ADRA1B: variants seen among roughly 807,000 people sequenced by gnomAD.
ADRA1B encodes adrenoceptor alpha 1B.
A neutral mutation model predicts 17.9 loss-of-function variants in ADRA1B; 17 were observed. The ratio of observed to expected loss-of-function variants is 0.95; its 90% confidence interval spans 0.65 to 1.42. ADRA1B has a LOEUF of 1.42. Among genes scored for constraint, ADRA1B ranks in the 40% most tolerant of loss-of-function variants. ADRA1B has a pLI of 0.00. For synonymous variants in ADRA1B, 366 were observed against 327.6 expected (o/e 1.12, Z -1.27); for missense variants, 681 against 722.1 (o/e 0.94, Z 0.65).
chr5:159,922,179 T>C lies in ADRA1B; in HGVS notation c.949+4325T>C, dbSNP rs192321587. 7.2e-5 allele frequency among the ~76,000 whole-genome samples: 11 copies of C among 152,370 alleles called. No homozygotes were observed. In the East Asian group the frequency reaches 2.1e-3, roughly 29 times the overall value. On this transcript the variant is annotated intron_variant, in intron 1 of 1. Coordinates refer to ENST00000306675, the MANE Select transcript of ADRA1B (RefSeq NM_000679.4). Reference sequence around the variant, plus strand: ...CAGCCTGGTGAGATTGTATTTGTTATTGGATACATACCATGTACCAGACAT... The same window carrying C: ...CAGCCTGGTGAGATTGTATTTGTTACTGGATACATACCATGTACCAGACAT...
chr5:159,916,839 T>A lies in ADRA1B; in HGVS notation c.-67T>A, dbSNP rs1754322864. 6.8e-7 allele frequency: 1 copy of A among 1,469,110 alleles called. No homozygotes were observed. Among genetic ancestry groups the A allele is most frequent in the South Asian group, 1.3e-5 (1 of 75,688 alleles). The allele number at this position is 1,469,110 out of a possible 1,614,324, so 91.0% of individuals were successfully genotyped here. A position where few individuals can be genotyped will look rare whatever the true frequency, so the allele number is the denominator to read the frequency against. On this transcript the variant is annotated 5_prime_UTR_variant, in exon 1 of 2. The change abolishes the stop of an existing upstream ORF in the 5' untranslated region. Transcript: ENST00000306675. ...GGGGGAAGCAAAGTTTCAGGGCAGC[T>A]GAGGAGCCTTCGCCGCAGCCCTTCC...
chr5:159,976,575 G>C (rs1041325980), downstream of ADRA1B, among the ~76,000 whole-genome samples: 7 of 151,068 alleles, frequency 4.6e-5, no homozygotes, highest in Admixed American at 4.0e-4. Flanking sequence ...GCTAAGGCAG[G>C]TAATCGCCTG....
At position 159,916,606 on chromosome 5, in the gene ADRA1B, C is replaced by A; in HGVS notation, c.-300C>A. On this transcript the variant is annotated 5_prime_UTR_variant, in exon 1 of 2. Coordinates refer to ENST00000306675, the MANE Select transcript of ADRA1B (RefSeq NM_000679.4). ...CGGGCGCCCCCGGCCCTGCCGCCCCCTCCTCCCCGCCGCTCCCCCGCGAGC... is the reference window on the plus strand; with the variant it reads ...CGGGCGCCCCCGGCCCTGCCGCCCCATCCTCCCCGCCGCTCCCCCGCGAGC... The A allele has an allele frequency of 4.0e-6, 1 of 250,534 alleles. No individual in the cohort carries two copies. Among genetic ancestry groups the A allele is most frequent in the South Asian group, 1.3e-4 (1 of 7,708 alleles). The allele number at this position is 250,534 out of a possible 1,614,324, so 15.5% of individuals were successfully genotyped here.
upstream of ADRA1B, chr5:159,916,454 G>C: frequency 6.6e-6 from 1 of 152,350 alleles, no homozygotes. Flanking sequence ...AGGGCGCCGG[G>C]CTCCCCCGCC....
rs74768876 is a variant in ADRA1B at position 159,918,773 on chromosome 5, A to G, written c.949+919A>G. ...AAGGTCTGGTTAGCAGGTAAACCTA[A>G]AGGGGGGCATCTGTCACATGCTGTC... On this transcript the variant is annotated intron_variant, in intron 1 of 1. Transcript: ENST00000306675. Among the ~76,000 whole-genome samples, 1,148 of 152,298 alleles carry G rather than the reference A, an allele frequency of 7.5e-3. 11 individuals are homozygous for G. Among genetic ancestry groups the G allele is most frequent in the African/African-American group, 0.026 (1,099 of 41,560 alleles).
intron 1 of ADRA1B, among the ~76,000 whole-genome samples, chr5:159,898,015 G>A (rs950485572): frequency 4.6e-5 from 7 of 152,114 alleles, no homozygotes; most frequent in Admixed American, 6.5e-5. Context: ...TGCCACTTCC[G>A]GCTCCCATCC....
At chr5:159,945,874 A>C (rs370222147) in intron 1 of ADRA1B, among the ~76,000 whole-genome samples, 1 of 151,876 alleles carries the variant, frequency 6.6e-6, no homozygotes, top group African/African-American at 2.4e-5. Flanking sequence ...CAGCCTCCCA[A>C]GTAGCTGGGA....
chr5:159,917,461 G>T lies in ADRA1B; in HGVS notation c.556G>T (p.Glu186Ter). 1 of 1,614,142 alleles carries T rather than the reference G, an allele frequency of 6.2e-7. No homozygotes were observed. The highest frequency in any genetic ancestry group is 8.5e-7 in the Non-Finnish European group (1 of 1,180,032). ...ISIGPLLGWK[E>*]PAPNDDKECG... ...CATCGGGCCTCTCCTTGGGTGGAAG[G>T]AGCCGGCACCCAACGATGACAAGGA... Residue 186 changes from glutamate (E) to a stop codon, truncating the protein, a stop_gained, in exon 1 of 2, where the codon GAG (glutamate) becomes TAG (stop). Coordinates refer to ENST00000306675, the MANE Select transcript of ADRA1B (RefSeq NM_000679.4). LOFTEE classifies it high-confidence loss of function.
chr5:159,959,604 C>T (rs1477265994), intron 1 of ADRA1B, among the ~76,000 whole-genome samples: 1 of 152,178 alleles, frequency 6.6e-6, no homozygotes, highest in Non-Finnish European at 1.5e-5. Context: ...TGAGATTCAG[C>T]AGGGCTGTGA....
chr5:159,890,338 C>T (rs1400528058), intron 1 of ADRA1B, among the ~76,000 whole-genome samples: 1 of 152,192 alleles, frequency 6.6e-6, no homozygotes, highest in Non-Finnish European at 1.5e-5. Context: ...GATACTTGCC[C>T]TGCTCCTCCT....
chr5:159,916,024 G>T (rs1754293134), upstream of ADRA1B: 1 of 152,334 alleles, frequency 6.6e-6, no homozygotes, highest in Admixed American at 6.5e-5. Context: ...TTTGCACGGG[G>T]CGAGGGGAGC....
chr5:159,885,193 A>G (rs561292382), intron 1 of ADRA1B, among the ~76,000 whole-genome samples: 2 of 152,226 alleles, frequency 1.3e-5, no homozygotes, highest in Non-Finnish European at 2.9e-5. Context: ...CAAGAAAGTG[A>G]TGAGAATAAC....
intron 1 of ADRA1B, among the ~76,000 whole-genome samples, chr5:159,926,661 C>T (rs927553825): frequency 2.0e-4 from 31 of 152,042 alleles, no homozygotes; most frequent in Middle Eastern, 6.8e-3. Context: ...CCGAGGCGGG[C>T]GGATCACTTG....
upstream of ADRA1B, among the ~76,000 whole-genome samples, chr5:159,913,147 T>G (rs1581028117): frequency 6.6e-6 from 1 of 152,024 alleles, no homozygotes; most frequent in Non-Finnish European, 1.5e-5. Flanking sequence ...GAAATGGGAG[T>G]TCTGCAACAT....
intron 1 of ADRA1B, among the ~76,000 whole-genome samples, chr5:159,927,557 A>G (rs76986431): frequency 0.014 from 2,169 of 152,286 alleles, 54 homozygotes; most frequent in African/African-American, 0.05. Flanking sequence ...CTGAAGACAC[A>G]CTGGGTCTTT....
Position 159,917,574 on chromosome 5 carries a change from C to T in ADRA1B, c.669C>T (p.Tyr223=). The T allele has an allele frequency of 3.7e-6, 6 of 1,614,092 alleles. No individual in the cohort carries two copies. The highest frequency in any genetic ancestry group is 5.1e-6 in the Non-Finnish European group (6 of 1,180,016). The stretch of plus-strand genomic sequence containing the variant: ...CTCTGGCGGTCATTCTAGTCATGTA[C>T]TGCCGTGTCTATATAGTGGCCAAGA... ...YIPLAVILVM[Y]CRVYIVAKRT... Residue 223 remains tyrosine, a synonymous_variant, in exon 1 of 2, where the codon TAC becomes TAT. Coordinates refer to ENST00000306675, the MANE Select transcript of ADRA1B (RefSeq NM_000679.4).
chr5:159,988,349 G>A, the ADRA1B span, among the ~76,000 whole-genome samples: 1 of 152,218 alleles, frequency 6.6e-6, no homozygotes, highest in Non-Finnish European at 1.5e-5. Flanking sequence ...AAAACTGACT[G>A]TAGACTTCTG....
the ADRA1B span, among the ~76,000 whole-genome samples, chr5:159,981,066 C>T: frequency 1.3e-5 from 2 of 152,134 alleles, no homozygotes; most frequent in Non-Finnish European, 2.9e-5. Context: ...GACTTCTAGG[C>T]CAGGGGCTCT....
chr5:159,951,858 T>C (rs941923376), intron 1 of ADRA1B, among the ~76,000 whole-genome samples: 1 of 152,222 alleles, frequency 6.6e-6, no homozygotes, highest in Admixed American at 6.5e-5. Context: ...CACTCTTTGC[T>C]CTGTCCTCTC....
Sources: allele counts gnomAD v4.1 joint callset (sites outside exome capture counted in the v4.1 genomes callset), GRCh38; gene constraint gnomAD v4.1.1; transcripts MANE v1.5; gene names NCBI Gene and HGNC (gene_info 2026-07-23, HGNC 2026-07-21).